FBXO11: variants seen among roughly 807,000 people sequenced by gnomAD.
FBXO11 encodes the protein F-box protein 11, also known as F-box only protein 11.
A neutral mutation model predicts 117.0 loss-of-function variants in FBXO11; 13 were observed. That is an observed-to-expected ratio of 0.11 (90% CI 0.07 to 0.18). The LOEUF is 0.18. Among genes scored for constraint, FBXO11 ranks in the 10% least tolerant of loss-of-function variants. The pLI is 1.00. For synonymous variants in FBXO11, 490 were observed against 380.5 expected, an observed-to-expected ratio of 1.29 and a Z score of -3.35; for missense variants, 767 against 1,164.4, an observed-to-expected ratio of 0.66 and a Z score of 4.97.
chr2:47,862,262 G>C (rs1674835387), intron 1 of FBXO11, among the ~76,000 whole-genome samples: 1 of 152,014 alleles, frequency 6.6e-6, no homozygotes, highest in African/African-American at 2.4e-5. Flanking sequence ...TCAGATTTAA[G>C]TTACATCCAA....
At chr2:47,820,763 C>G (rs1349508342) in intron 13 of FBXO11, among the ~76,000 whole-genome samples, 1 of 152,180 alleles carries the variant, frequency 6.6e-6, no homozygotes, top group Non-Finnish European at 1.5e-5. Context: ...CTTTGTGCCT[C>G]TGTATCCTTA....
chr2:47,877,585 A>G (rs1676101595), intron 1 of FBXO11, among the ~76,000 whole-genome samples: 1 of 152,078 alleles, frequency 6.6e-6, no homozygotes, highest in African/African-American at 2.4e-5. Flanking sequence ...TCTAAGTTGC[A>G]TGGTGTGTGT....
At chr2:47,859,931 G>C (rs1024114750) in intron 1 of FBXO11, among the ~76,000 whole-genome samples, 4 of 152,116 alleles carry the variant, frequency 2.6e-5, no homozygotes, top group Admixed American at 6.6e-5. Context: ...CTTAGTTTGA[G>C]ATTCTCATGA....
chr2:47,885,172 A>T (rs2103935995), intron 1 of FBXO11, among the ~76,000 whole-genome samples: 3 of 152,376 alleles, frequency 2.0e-5, no homozygotes, highest in Admixed American at 2.0e-4. Context: ...TGGAAAAGCC[A>T]TCAAGAAGAC....
chr2:47,842,095 A>G (rs1205439484), intron 1 of FBXO11, among the ~76,000 whole-genome samples: 1 of 150,990 alleles, frequency 6.6e-6, no homozygotes, highest in Non-Finnish European at 1.5e-5. Flanking sequence ...GGCTCACTGC[A>G]ACCTCCGTCT....
intron 1 of FBXO11, among the ~76,000 whole-genome samples, chr2:47,902,935 A>G (rs1572938112): frequency 6.6e-6 from 1 of 152,062 alleles, no homozygotes; most frequent in East Asian, 1.9e-4. Context: ...AAAAAAAACA[A>G]AAACCACACA....
chr2:47,891,102 G>C (rs977854608), intron 1 of FBXO11, among the ~76,000 whole-genome samples: 2 of 152,024 alleles, frequency 1.3e-5, no homozygotes, highest in African/African-American at 2.4e-5. Flanking sequence ...GGGATTACAG[G>C]CATGAGCCAC....
In FBXO11 at chr2:47,806,955, C is replaced by T. The variant is rs1308145377; in HGVS notation, c.*1163G>A. Reference sequence around the variant, plus strand: ...ATAAACTTTATTTTTTAAAAATGACCATTTTTCCATTTTCTTTCTAGGAAA... The same window carrying T: ...ATAAACTTTATTTTTTAAAAATGACTATTTTTCCATTTTCTTTCTAGGAAA... On this transcript the variant is annotated 3_prime_UTR_variant, in exon 23 of 23. Coordinates refer to ENST00000403359, the MANE Select transcript of FBXO11 (RefSeq NM_001190274.2). 1.1e-6 allele frequency: 1 copy of T among 951,236 alleles called. No individual in the cohort carries two copies. The highest frequency in any genetic ancestry group is 1.7e-6 in the Non-Finnish European group (1 of 605,234). 58.9% of individuals were successfully genotyped at this position (951,236 alleles called of 1,614,324 possible).
At position 47,839,736 on chromosome 2, in the gene FBXO11, T is replaced by G; in HGVS notation, c.266A>C (p.Glu89Ala). The G allele has an allele frequency of 6.2e-7, 1 of 1,613,978 alleles. No homozygotes were observed. Among genetic ancestry groups the G allele is most frequent in the Non-Finnish European group, 8.5e-7 (1 of 1,179,964 alleles). ...DDVPADMVAE[E>A]SGPGAQNSPY... ...ACTATTTTGTGCACCAGGACCTGAT[T>G]CTTCTGCAACCATATCTGCAGGCAC... Residue 89 changes from glutamate (E) to alanine (A), a missense_variant, in exon 2 of 23, where the codon GAA (glutamate) becomes GCA (alanine). Glu to Ala is a moderately radical substitution (Grantham distance 107, BLOSUM62 -1). Transcript: ENST00000403359.
intron 1 of FBXO11, among the ~76,000 whole-genome samples, chr2:47,878,564 C>G (rs1341749637): frequency 2.0e-5 from 3 of 151,768 alleles, no homozygotes; most frequent in African/African-American, 7.3e-5. Flanking sequence ...ACCATGTTGG[C>G]CAGGTTGGTC....
intron 1 of FBXO11, among the ~76,000 whole-genome samples, chr2:47,853,260 C>T (rs1235380168): frequency 3.3e-5 from 5 of 152,016 alleles, no homozygotes; most frequent in South Asian, 2.1e-4. Context: ...TCAGTACAGA[C>T]GGGGCTTCAC....
chr2:47,832,229 T>G (rs1287169624), intron 11 of FBXO11, 120 bp downstream of exon 11: 1 of 723,324 alleles, frequency 1.4e-6, no homozygotes, highest in Non-Finnish European at 2.1e-6. Context: ...ATGCTGAAAT[T>G]GCTTTTAAAC....
intron 4 of FBXO11, among the ~76,000 whole-genome samples, chr2:47,837,456 G>A (rs1290344879): frequency 6.6e-6 from 1 of 152,194 alleles, no homozygotes; most frequent in Non-Finnish European, 1.5e-5. Flanking sequence ...GAACCCGGGA[G>A]GCAGAGGTTG....
chr2:47,810,437 A>G lies in FBXO11; in HGVS notation c.2228-11T>C, dbSNP rs767213778. 6.4e-7 allele frequency: 1 copy of G among 1,564,442 alleles called. No individual in the cohort carries two copies. Among genetic ancestry groups the G allele is most frequent in the Non-Finnish European group, 8.8e-7 (1 of 1,142,348 alleles). On this transcript the variant is annotated splice_polypyrimidine_tract_variant and intron_variant, in intron 18 of 22. Coordinates refer to ENST00000403359, the MANE Select transcript of FBXO11 (RefSeq NM_001190274.2). ...TTTCTTCAAGGAGACCTATAATAAA[A>G]TATTTCCTTAGATTAAGGCTAATGC...
chr2:47,902,124 CG>C (rs1678343938), intron 1 of FBXO11, among the ~76,000 whole-genome samples: 1 of 152,154 alleles, frequency 6.6e-6, no homozygotes, highest in Non-Finnish European at 1.5e-5. Flanking sequence ...CTAGTTAAGA[CG>C]AGGTTTCACT....
chr2:47,881,178 G>C (rs148601880), intron 1 of FBXO11, among the ~76,000 whole-genome samples: 1,990 of 152,262 alleles, frequency 0.013, 34 homozygotes, highest in African/African-American at 0.043. Context: ...CTTGAACCCG[G>C]GAGTCGGAGG....
At chr2:47,853,256 C>T (rs1472347545) in intron 1 of FBXO11, among the ~76,000 whole-genome samples, 2 of 151,908 alleles carry the variant, frequency 1.3e-5, no homozygotes, top group African/African-American at 2.4e-5. Flanking sequence ...ATTTTCAGTA[C>T]AGACGGGGCT....
intron 1 of FBXO11, among the ~76,000 whole-genome samples, chr2:47,895,931 G>A (rs1258846377): frequency 6.6e-6 from 1 of 152,112 alleles, no homozygotes; most frequent in African/African-American, 2.4e-5. Context: ...TCCTGACCTC[G>A]TGATCCACTC....
chr2:47,905,958 A>C lies in FBXO11; in HGVS notation c.-238T>G. The C allele has an allele frequency of 4.8e-6, 2 of 414,588 alleles. No individual in the cohort carries two copies. The highest frequency in any genetic ancestry group is 6.7e-4 in the Middle Eastern group (1 of 1,490). 25.7% of individuals were successfully genotyped at this position (414,588 alleles called of 1,614,324 possible). On this transcript the variant is annotated 5_prime_UTR_variant, in exon 1 of 23. Transcript: ENST00000403359. ...GCCGGGAGGGCCTGACGCACGGGGA[A>C]GGCCGAAGCCGCCGGGCGGGGCGGC...
Sources: gnomAD v4.1 joint callset for allele counts (sites outside exome capture counted in the v4.1 genomes callset) on GRCh38, gnomAD v4.1.1 for gene constraint, MANE v1.5 for transcripts, NCBI Gene and HGNC (gene_info 2026-07-23, HGNC 2026-07-21) for gene names.